The following AKT3 variants were observed in gnomAD, a reference collection of about 807,000 sequenced individuals.
AKT3 encodes the protein RAC-gamma serine/threonine-protein kinase.
In AKT3, 15 loss-of-function variants were observed where a neutral mutation model predicts 65.3. The ratio of observed to expected loss-of-function variants is 0.23; its 90% CI spans 0.15 to 0.35. The LOEUF (loss-of-function observed/expected upper bound fraction) is 0.35, where lower values mean the gene tolerates loss of function less well. Among genes scored for constraint, AKT3 ranks in the 10% least tolerant of loss-of-function variants. The probability of loss-of-function intolerance (pLI) is 1.00; values close to 1 mark genes in which losing one functional copy is unlikely to be tolerated. For synonymous variants in AKT3, 206 were observed against 183.8 expected (o/e 1.12, Z -0.98); for missense variants, 243 against 576.5 (o/e 0.42, Z 5.92).
intron 3 of AKT3, among the ~76,000 whole-genome samples, chr1:243,671,107 C>T (rs1464695579): frequency 7.2e-6 from 1 of 138,562 alleles, no homozygotes; most frequent in East Asian, 2.1e-4. Flanking sequence ...GAGACGGAGT[C>T]TCGCTCTGTT....
chr1:243,850,846 C>T (rs953213495), upstream of AKT3, among the ~76,000 whole-genome samples: 5 of 152,004 alleles, frequency 3.3e-5, no homozygotes, highest in African/African-American at 7.2e-5. Flanking sequence ...CGCTCCCGGG[C>T]GGGAAGTTCT....
chr1:243,801,547 AGACTGCCTTCT>A (rs1692383010), intron 2 of AKT3, among the ~76,000 whole-genome samples: 18 of 152,230 alleles, frequency 1.2e-4, no homozygotes, highest in Admixed American at 7.8e-4. Flanking sequence ...AATAGCACAA[AGACTGCCTTCT>A]GAATACTCCC....
intron 3 of AKT3, among the ~76,000 whole-genome samples, chr1:243,667,656 C>T (rs1286595442): frequency 6.6e-6 from 1 of 152,198 alleles, no homozygotes; most frequent in Non-Finnish European, 1.5e-5. Context: ...CTCAACACAG[C>T]AGCCAGAAAT....
At chr1:243,839,093 T>C (rs1025730247) in intron 2 of AKT3, among the ~76,000 whole-genome samples, 3 of 152,158 alleles carry the variant, frequency 2.0e-5, no homozygotes, top group African/African-American at 7.2e-5. Flanking sequence ...ACTTAGGTTT[T>C]TATGAAATTT....
chr1:243,696,975 C>T (rs1189485396), intron 2 of AKT3, among the ~76,000 whole-genome samples: 1 of 151,960 alleles, frequency 6.6e-6, no homozygotes, highest in Non-Finnish European at 1.5e-5. Flanking sequence ...CTATAAAGGG[C>T]AATCTCACCC....
intron 9 of AKT3, among the ~76,000 whole-genome samples, chr1:243,570,182 A>G (rs879898955): frequency 1.3e-5 from 2 of 152,222 alleles, no homozygotes; most frequent in Non-Finnish European, 2.9e-5. Context: ...TCTGCCTCCA[A>G]TGTGAATGAG....
intron 1 of AKT3, among the ~76,000 whole-genome samples, chr1:243,844,548 A>G (rs1215512932): frequency 6.6e-6 from 1 of 152,130 alleles, no homozygotes; most frequent in Non-Finnish European, 1.5e-5. Context: ...GCACAATCAT[A>G]GCTCACTGCA....
rs374728778 is a variant in AKT3, at chr1:243,624,502, GCTAA to G, written c.562-9345_562-9342del. Among the ~76,000 whole-genome samples, 797 of 151,954 alleles carry G rather than the reference GCTAA, an allele frequency of 5.2e-3. 13 individuals carry two copies. In the South Asian group the frequency reaches 0.054, roughly 10 times the overall value. On this transcript the variant is annotated intron_variant, in intron 6 of 13. Coordinates refer to ENST00000673466, the MANE Select transcript of AKT3 (RefSeq NM_005465.7). ...TGATAAACTTCCAGGTTAAAATTAGGCTAACTGCTTGGAATAACAAACTCTTAAA... is the reference window on the plus strand; with the variant it reads ...TGATAAACTTCCAGGTTAAAATTAGGCTGCTTGGAATAACAAACTCTTAAA...
chr1:243,773,904 A>C (rs1690367838), intron 2 of AKT3, among the ~76,000 whole-genome samples: 1 of 152,212 alleles, frequency 6.6e-6, no homozygotes, highest in African/African-American at 2.4e-5. Context: ...TCCCAATTAA[A>C]TGTGAAACAA....
intron 2 of AKT3, among the ~76,000 whole-genome samples, chr1:243,837,384 T>C (rs190535652): frequency 3.0e-4 from 45 of 152,206 alleles, no homozygotes; most frequent in African/African-American, 9.9e-4. Flanking sequence ...ATACATTTTG[T>C]CAAACACTGA....
intron 8 of AKT3, among the ~76,000 whole-genome samples, chr1:243,587,963 C>G (rs1675926858): frequency 6.6e-6 from 1 of 152,038 alleles, no homozygotes; most frequent in African/African-American, 2.4e-5. Flanking sequence ...TCATTAGATA[C>G]TGGACAAGAG....
chr1:243,497,474 C>G (rs112174704), downstream of AKT3, among the ~76,000 whole-genome samples: 149 of 152,200 alleles, frequency 9.8e-4, no homozygotes, highest in African/African-American at 3.4e-3. Context: ...AGGAAGGAAT[C>G]AGGCTGACTT....
rs1232393101 is a variant in AKT3, at chr1:243,629,850, G to A, written c.561+7761C>T. Among the ~76,000 whole-genome samples, 3 of 152,196 alleles carry A rather than the reference G, an allele frequency of 2.0e-5. No individual in the cohort carries two copies. The East Asian group carries it at 5.8e-4, about 29-fold the overall frequency. On this transcript the variant is annotated intron_variant, in intron 6 of 13. Transcript: ENST00000673466. ...GCAGCAATGCAGACAGAGATGGGCT[G>A]GCCATTGATATATTCCTCTTGTACC...
chr1:243,712,529 C>T (rs1030936734), intron 2 of AKT3, among the ~76,000 whole-genome samples: 5 of 152,028 alleles, frequency 3.3e-5, no homozygotes, highest in African/African-American at 4.8e-5. Context: ...AACATAAGCA[C>T]TTTTTAATTC....
chr1:243,754,098 A>G (rs1372990821), intron 2 of AKT3, among the ~76,000 whole-genome samples: 1 of 152,170 alleles, frequency 6.6e-6, no homozygotes, highest in African/African-American at 2.4e-5. Flanking sequence ...TTCACTCTCA[A>G]CAGGGTACTG....
chr1:243,813,204 G>A (rs1230424043), intron 2 of AKT3, among the ~76,000 whole-genome samples: 1 of 152,106 alleles, frequency 6.6e-6, no homozygotes, highest in East Asian at 1.9e-4. Flanking sequence ...TATCTTTACA[G>A]TGAAGAGATC....
At chr1:243,789,456 T>C (rs1691479396) in intron 2 of AKT3, among the ~76,000 whole-genome samples, 1 of 152,276 alleles carries the variant, frequency 6.6e-6, no homozygotes, top group Non-Finnish European at 1.5e-5. Flanking sequence ...ATCATAATAC[T>C]GCAACAATTC....
chr1:243,490,573 T>C (rs1187809006), intron 13 of AKT3, among the ~76,000 whole-genome samples: 8 of 152,244 alleles, frequency 5.3e-5, no homozygotes. Context: ...AACTTAAGCC[T>C]TTTTCCAGCC....
chr1:243,830,120 TCTGTA>T (rs778912690), intron 2 of AKT3, among the ~76,000 whole-genome samples: 24 of 152,330 alleles, frequency 1.6e-4, no homozygotes, highest in Non-Finnish European at 2.9e-4. Flanking sequence ...AAAGAAATCA[TCTGTA>T]CTGAACACTT....
Sources: allele counts gnomAD v4.1 joint callset (sites outside exome capture counted in the v4.1 genomes callset), GRCh38; gene constraint gnomAD v4.1.1; transcripts MANE v1.5; gene names NCBI Gene and HGNC (gene_info 2026-07-23, HGNC 2026-07-21).